The following SLC7A11 variants were observed in gnomAD, a reference collection of about 807,000 sequenced individuals.
SLC7A11 encodes the protein solute carrier family 7 member 11.
Under a neutral mutation model 54.5 loss-of-function variants are expected in SLC7A11, and 35 were observed. That is an observed-to-expected ratio of 0.64 (90% CI 0.49 to 0.85). SLC7A11 has a LOEUF of 0.85. Among genes scored for constraint, SLC7A11 ranks in the 40% least tolerant of loss-of-function variants. SLC7A11 has a pLI of 0.00. For synonymous variants in SLC7A11, 230 were observed against 225.2 expected, an observed-to-expected ratio of 1.02 and a Z score of -0.19; for missense variants, 583 against 618.1, an observed-to-expected ratio of 0.94 and a Z score of 0.60.
chr4:138,236,020 A>G (rs1341238631), intron 2 of SLC7A11, among the ~76,000 whole-genome samples: 1 of 152,174 alleles, frequency 6.6e-6, no homozygotes, highest in Non-Finnish European at 1.5e-5. Flanking sequence ...GTGAATTTTC[A>G]TGTTCATATT....
chr4:138,171,316 C>T lies in SLC7A11; in HGVS notation c.*640G>A, dbSNP rs181159372. ...CAAGGATTTTTACTTAAACATAACT[C>T]CTGGATGTGTCTCATAAACAGTAGC... is the stretch of plus-strand genomic sequence containing the variant. On this transcript the variant is annotated 3_prime_UTR_variant, in exon 12 of 12. Transcript: ENST00000280612. The T allele has an allele frequency of 1.6e-4, 24 of 152,194 alleles. No individual in the cohort carries two copies. The highest frequency in any genetic ancestry group is 5.9e-5 in the Non-Finnish European group (4 of 67,982). 9.4% of individuals were successfully genotyped at this position (152,194 alleles called of 1,614,324 possible). A position where few individuals can be genotyped will look rare whatever the true frequency, so the allele number is the denominator to read the frequency against.
In SLC7A11 at chr4:138,183,315, G is replaced by A; in HGVS notation, c.916-10C>T. ...GCCGCTCAGAAAAGGTCTAGTGAAAGAAAGAACGAAGCAAATTAATGCCTT... is the reference window on the plus strand; with the variant it reads ...GCCGCTCAGAAAAGGTCTAGTGAAAAAAAGAACGAAGCAAATTAATGCCTT... On this transcript the variant is annotated splice_polypyrimidine_tract_variant and intron_variant, in intron 7 of 11. Coordinates refer to ENST00000280612, the MANE Select transcript of SLC7A11 (RefSeq NM_014331.4). The A allele has an allele frequency of 2.5e-6, 4 of 1,587,704 alleles. No homozygotes were observed. Among genetic ancestry groups the A allele is most frequent in the South Asian group, 1.1e-5 (1 of 89,522 alleles).
intron 6 of SLC7A11, among the ~76,000 whole-genome samples, chr4:138,194,104 A>C (rs933501498): frequency 9.2e-5 from 14 of 152,126 alleles, no homozygotes; most frequent in African/African-American, 2.7e-4. Context: ...AGCAGAGGGA[A>C]AGGTGGGAAA....
chr4:138,212,662 C>T (rs1219978541), intron 6 of SLC7A11, among the ~76,000 whole-genome samples: 1 of 151,748 alleles, frequency 6.6e-6, no homozygotes, highest in Non-Finnish European at 1.5e-5. Flanking sequence ...TAGTAGAATA[C>T]ATCAGAAATT....
At chr4:138,192,168 T>C (rs1342666088) in intron 6 of SLC7A11, among the ~76,000 whole-genome samples, 2 of 152,166 alleles carry the variant, frequency 1.3e-5, no homozygotes, top group African/African-American at 4.8e-5. Flanking sequence ...AAAAGTCTGT[T>C]TTCTCTTTCC....
At chr4:138,196,349 A>C (rs1020708965) in intron 6 of SLC7A11, among the ~76,000 whole-genome samples, 10 of 152,146 alleles carry the variant, frequency 6.6e-5, no homozygotes, top group Non-Finnish European at 1.3e-4. Flanking sequence ...ATCAGGCCTC[A>C]CTAATCTAGA....
chr4:138,226,182 G>T (rs376109404), intron 3 of SLC7A11, among the ~76,000 whole-genome samples: 16 of 152,170 alleles, frequency 1.1e-4, no homozygotes, highest in African/African-American at 3.6e-4. Context: ...TCATTAAGAT[G>T]CTAGTACACT....
At chr4:138,206,996 C>CAAAAAAAAAAAAAA (rs369656942) in intron 6 of SLC7A11, among the ~76,000 whole-genome samples, 1 of 113,610 alleles carries the variant, frequency 8.8e-6, no homozygotes, top group Non-Finnish European at 1.8e-5. Flanking sequence ...TAAAGAAAAG[C>CAAAAAAAAAAAAAA]AAAAAAAAAA....
chr4:138,236,949 T>C (rs371920108), intron 1 of SLC7A11, among the ~76,000 whole-genome samples: 7 of 151,448 alleles, frequency 4.6e-5, no homozygotes, highest in African/African-American at 1.5e-4. Flanking sequence ...ATCCACTCTT[T>C]AGAAAACCAT....
intron 5 of SLC7A11, among the ~76,000 whole-genome samples, chr4:138,216,178 T>G (rs1456285726): frequency 6.6e-6 from 1 of 152,198 alleles, no homozygotes; most frequent in Non-Finnish European, 1.5e-5. Flanking sequence ...TCCATGATTG[T>G]GCATAAAAGG....
chr4:138,229,582 G>A (rs754709607), intron 3 of SLC7A11, among the ~76,000 whole-genome samples: 18 of 152,146 alleles, frequency 1.2e-4, no homozygotes, highest in African/African-American at 2.9e-4. Context: ...TAACTATTCC[G>A]TCACCAATGT....
intron 3 of SLC7A11, among the ~76,000 whole-genome samples, chr4:138,224,881 T>G (rs1013487113): frequency 6.7e-6 from 1 of 150,186 alleles, no homozygotes; most frequent in Admixed American, 6.6e-5. Flanking sequence ...TGGAAACATA[T>G]TTACCAAAAC....
At chr4:138,185,277 T>C (rs1736848345) in intron 6 of SLC7A11, 33 bp from the exon 7 acceptor site, 1 of 1,608,392 alleles carries the variant, frequency 6.2e-7, no homozygotes, top group Admixed American at 1.7e-5. Flanking sequence ...TTATTCATTA[T>C]CTTTTGTTAG....
At chr4:138,238,489 G>C (rs1224690476) in intron 1 of SLC7A11, among the ~76,000 whole-genome samples, 2 of 152,026 alleles carry the variant, frequency 1.3e-5, no homozygotes, top group African/African-American at 4.8e-5. Context: ...AATTTAGACA[G>C]AACTGCTCAA....
chr4:138,230,180 A>G (rs1738039771), intron 3 of SLC7A11, among the ~76,000 whole-genome samples: 1 of 152,140 alleles, frequency 6.6e-6, no homozygotes. Context: ...CAAATACTGC[A>G]TGTTTTCACG....
rs112274634 is a variant in SLC7A11 at position 138,188,375 on chromosome 4, G to C, written c.792-3131C>G. Among the ~76,000 whole-genome samples, 423 of 152,232 alleles carry C rather than the reference G, an allele frequency of 2.8e-3. 3 individuals carry two copies. The highest frequency in any genetic ancestry group is 0.016 in the South Asian group (75 of 4,824). ...ACGACGCCCAGCTGATAATTAGATG[G>C]AATTAAGCAATAGCAAGTTGGTTGG... On this transcript the variant is annotated intron_variant, in intron 6 of 11. Transcript: ENST00000280612.
In SLC7A11 at chr4:138,179,342, G is replaced by A. The variant is rs191729852; in HGVS notation, c.1319C>T (p.Ala440Val). 1.1e-5 allele frequency: 18 copies of A among 1,612,640 alleles called. No homozygotes were observed. The East Asian group carries it at 4.0e-4, about 36-fold the overall frequency. The change falls in exon 11 of 12, where the codon GCC (alanine) becomes GTC (valine). Residue 440 changes from alanine (A) to valine (V), a missense_variant. Physicochemically the swap from Ala to Val is moderately conservative, Grantham distance 64. Coordinates refer to ENST00000280612, the MANE Select transcript of SLC7A11 (RefSeq NM_014331.4). ...AAATGGGTCCGAATAGAGGGAAAGG[G>A]CAACCATGAAGAGGCATGTGAAGGA... ...LFSFTCLFMV[A>V]LSLYSDPFST...
chr4:138,212,609 A>G (rs1737575921), intron 6 of SLC7A11, among the ~76,000 whole-genome samples: 1 of 151,796 alleles, frequency 6.6e-6, no homozygotes, highest in Non-Finnish European at 1.5e-5. Flanking sequence ...AAGGCCCTTT[A>G]ATTTAAGAAG....
intron 6 of SLC7A11, among the ~76,000 whole-genome samples, chr4:138,203,532 A>G (rs1737336914): frequency 6.6e-6 from 1 of 152,096 alleles, no homozygotes; most frequent in African/African-American, 2.4e-5. Flanking sequence ...AGTTTAATCC[A>G]TATCTTTGGA....
Sources: allele counts gnomAD v4.1 joint callset (sites outside exome capture counted in the v4.1 genomes callset), GRCh38; gene constraint gnomAD v4.1.1; transcripts MANE v1.5; gene names NCBI Gene and HGNC (gene_info 2026-07-23, HGNC 2026-07-21).